The following DHRS4L2 variants were observed in gnomAD, a reference collection of about 807,000 sequenced individuals.
DHRS4L2 encodes the protein dehydrogenase/reductase 4 like 2.
DHRS4L2 carries 22 observed loss-of-function variants against 23.9 expected under a neutral mutation model. The ratio of observed to expected loss-of-function variants is 0.92; its 90% CI spans 0.66 to 1.31. DHRS4L2 has a LOEUF of 1.31. Among genes scored for constraint, DHRS4L2 ranks in the 40% most tolerant of loss-of-function variants. The pLI, the probability that DHRS4L2 is intolerant of heterozygous loss-of-function variation, is 0.00. For missense variants in DHRS4L2, 385 were observed against 303.3 expected (o/e 1.27, Z -2.00); for synonymous variants, 141 against 123.7 (o/e 1.14, Z -0.93).
intron 1 of DHRS4L2, among the ~76,000 whole-genome samples, chr14:23,977,355 T>G (rs944234865): frequency 6.6e-6 from 1 of 151,726 alleles, no homozygotes; most frequent in Non-Finnish European, 1.5e-5. Flanking sequence ...ATGACAAACA[T>G]GAGTGGAACT....
upstream of DHRS4L2, chr14:23,988,818 A>G: frequency 1.4e-6 from 2 of 1,418,018 alleles, no homozygotes; most frequent in East Asian, 2.6e-5. Flanking sequence ...CAACCGCCAC[A>G]GACGACTCCC....
At chr14:23,983,241 T>G (rs111765642) in intron 1 of DHRS4L2, among the ~76,000 whole-genome samples, 138 of 151,748 alleles carry the variant, frequency 9.1e-4, no homozygotes, top group Middle Eastern at 3.4e-3. Flanking sequence ...CAGACACTTC[T>G]CAAAAGAAAA....
chr14:24,001,004 G>A (rs1198505894), intron 4 of DHRS4L2, 29 bp from the exon 5 acceptor site: 6 of 1,611,406 alleles, frequency 3.7e-6, no homozygotes, highest in Middle Eastern at 1.6e-4. Context: ...TCCACACTGG[G>A]AAGACGGTCA....
At chr14:23,984,299 A>G (rs2034102992), upstream of DHRS4L2, among the ~76,000 whole-genome samples, 1 of 151,724 alleles carries the variant, frequency 6.6e-6, no homozygotes, top group Non-Finnish European at 1.5e-5. Context: ...TAAAATAATA[A>G]GCATGTTTTA....
At chr14:23,982,488 C>T (rs534897095) in intron 1 of DHRS4L2, among the ~76,000 whole-genome samples, 2 of 151,560 alleles carry the variant, frequency 1.3e-5, no homozygotes, top group South Asian at 4.2e-4. Flanking sequence ...CTTTTCCCTA[C>T]ATATAGCCAA....
intron 1 of DHRS4L2, among the ~76,000 whole-genome samples, chr14:23,989,920 C>T (rs1284472528): frequency 6.6e-6 from 1 of 151,786 alleles, no homozygotes. Flanking sequence ...GGAGATGAAG[C>T]CTGTCACCCG....
chr14:23,986,534 A>G (rs1228461300), upstream of DHRS4L2, among the ~76,000 whole-genome samples: 1 of 151,236 alleles, frequency 6.6e-6, no homozygotes, highest in African/African-American at 2.4e-5. Flanking sequence ...AGAAAGAAAG[A>G]AAAAGAAATA....
At chr14:24,000,715 T>A in intron 3 of DHRS4L2, 148 bp from the exon 4 acceptor site, 1 of 793,910 alleles carries the variant, frequency 1.3e-6, no homozygotes, top group East Asian at 2.7e-5. Context: ...GAACCTCAGT[T>A]CCTTCATGTG....
intron 6 of DHRS4L2, 136 bp from the exon 7 acceptor site, chr14:24,004,201 G>A (rs1410084471): frequency 6.9e-5 from 60 of 873,350 alleles, no homozygotes; most frequent in East Asian, 2.5e-4. Context: ...CCCGGGAGGC[G>A]GAGTTTGCAG....
At chr14:23,988,927 C>G, upstream of DHRS4L2, 7 of 1,610,768 alleles carry the variant, frequency 4.3e-6, 1 homozygote, top group Non-Finnish European at 5.9e-6. Flanking sequence ...GGAGTGGAAC[C>G]CAGACTTGCT....
upstream of DHRS4L2, among the ~76,000 whole-genome samples, chr14:23,984,573 G>C (rs2034107237): frequency 6.6e-6 from 1 of 151,346 alleles, no homozygotes; most frequent in Non-Finnish European, 1.5e-5. Context: ...AAGGCAGGAA[G>C]ATCACTAGGT....
At chr14:23,998,395 T>G (rs1220804627) in intron 3 of DHRS4L2, among the ~76,000 whole-genome samples, 1 of 151,178 alleles carries the variant, frequency 6.6e-6, no homozygotes, top group African/African-American at 2.4e-5. Context: ...AGGCATTGAC[T>G]TCTCCTCTCT....
At chr14:23,978,048 T>G (rs1312010227) in intron 1 of DHRS4L2, among the ~76,000 whole-genome samples, 1 of 151,674 alleles carries the variant, frequency 6.6e-6, no homozygotes, top group African/African-American at 2.4e-5. Context: ...AGATGGTCCA[T>G]CCTCACACTT....
At chr14:23,974,220 A>C (rs1306869530) in intron 1 of DHRS4L2, among the ~76,000 whole-genome samples, 1 of 151,862 alleles carries the variant, frequency 6.6e-6, no homozygotes, top group Non-Finnish European at 1.5e-5. Flanking sequence ...GACACAGTGT[A>C]GCAGAATCTC....
intron 6 of DHRS4L2, 119 bp from the exon 7 acceptor site, chr14:24,004,218 A>G (rs2034526083): frequency 8.0e-7 from 1 of 1,251,404 alleles, no homozygotes; most frequent in African/African-American, 1.7e-5. Flanking sequence ...GCAGTGAGCC[A>G]AGATAGCGCC....
chr14:23,977,396 C>T (rs1481624397), intron 1 of DHRS4L2, among the ~76,000 whole-genome samples: 1 of 151,720 alleles, frequency 6.6e-6, no homozygotes, highest in Admixed American at 6.6e-5. Flanking sequence ...AGTTGCAGTT[C>T]TGCAAGTTGG....
At position 23,988,974 on chromosome 14, in the gene DHRS4L2, C is replaced by G. The variant is rs1288180923; in HGVS notation, c.27C>G (p.Leu9=). 6.2e-7 allele frequency: 1 copy of G among 1,612,056 alleles called. No individual in the cohort carries two copies. The highest frequency in any genetic ancestry group is 2.2e-5 in the East Asian group (1 of 44,888). MQMARLLG[L]CAWARKSVRM... is the part of the protein sequence containing the mutation. ...TGCAGATGGCCAGGCTGCTAGGCCT[C>G]TGTGCCTGGGCACGGAAGTCGGTGC... The change falls in exon 1 of 8, where the codon CTC becomes CTG. Residue 9 remains leucine (L), a synonymous_variant. Coordinates refer to ENST00000335125, the MANE Select transcript of DHRS4L2 (RefSeq NM_198083.4).
intron 1 of DHRS4L2, among the ~76,000 whole-genome samples, chr14:23,972,875 G>T (rs973208521): frequency 3.9e-5 from 6 of 151,956 alleles, no homozygotes; most frequent in Admixed American, 6.6e-5. Context: ...TCAAGGGAAG[G>T]TACTATGACT....
At chr14:23,998,053 AAAC>A (rs1271571530) in intron 3 of DHRS4L2, among the ~76,000 whole-genome samples, 2 of 151,924 alleles carry the variant, frequency 1.3e-5, no homozygotes, top group East Asian at 1.9e-4. Context: ...GCAGGCATGA[AAAC>A]AACATTAATC....
Sources: allele counts gnomAD v4.1 joint callset (sites outside exome capture counted in the v4.1 genomes callset), GRCh38; gene constraint gnomAD v4.1.1; transcripts MANE v1.5; gene names NCBI Gene and HGNC (gene_info 2026-07-23, HGNC 2026-07-21).